The following KAT2A variants were observed in gnomAD, a reference collection of about 807,000 sequenced individuals.
KAT2A encodes the protein lysine acetyltransferase 2A, also known as histone acetyltransferase KAT2A.
KAT2A carries 42 observed loss-of-function variants against 95.2 expected under a neutral mutation model. The ratio of observed to expected loss-of-function variants is 0.44; its 90% CI spans 0.34 to 0.57. The LOEUF (loss-of-function observed/expected upper bound fraction) is 0.57. KAT2A is among the 20% of genes least tolerant of loss of function. The pLI is 0.01. For synonymous variants in KAT2A, 449 were observed against 448.2 expected (o/e 1.00, Z -0.02); for missense variants, 784 against 1,126.3 (o/e 0.70, Z 4.35).
rs1555666173 is a variant in KAT2A, at chr17:42,117,338, A to G, written c.1637+50T>C. Reference sequence around the variant, plus strand: ...TTGAGGAGTGAAGAGGCCGAGGAGGAAGGGAACTGGGTGTGCTGCCCTGGG... The same window carrying G: ...TTGAGGAGTGAAGAGGCCGAGGAGGGAGGGAACTGGGTGTGCTGCCCTGGG... On this transcript the variant is annotated intron_variant, in intron 10 of 17. Transcript: ENST00000225916. This position sits in a 1 kb window ranked among gnomAD's most constrained non-coding sequence, Gnocchi z 8.9. The G allele has an allele frequency of 6.3e-7, 1 of 1,592,940 alleles. No homozygotes were observed. Among genetic ancestry groups the G allele is most frequent in the Admixed American group, 1.7e-5 (1 of 59,852 alleles).
At chr17:42,120,505 G>A (rs2054320874) in intron 2 of KAT2A, 135 bp from the exon 3 acceptor site, 33 of 1,228,198 alleles carry the variant, frequency 2.7e-5, no homozygotes, top group South Asian at 9.4e-5. Context: ...TGACTGCTCC[G>A]ATATCAACCG....
In KAT2A at chr17:42,121,323, G is replaced by C; in HGVS notation, c.-19C>G. The stretch of plus-strand genomic sequence containing the variant: ...CCGCCATGGCCTCCCCCGCAGCGGA[G>C]AGCGGCGCCGCGCTCCCAGCCCTAG... On this transcript the variant is annotated 5_prime_UTR_variant, in exon 1 of 18. Transcript: ENST00000225916. The C allele has an allele frequency of 7.3e-7, 1 of 1,365,322 alleles. No individual in the cohort carries two copies. Among genetic ancestry groups the C allele is most frequent in the Non-Finnish European group, 9.4e-7 (1 of 1,066,718 alleles). The allele number at this position is 1,365,322 out of a possible 1,614,324, so 84.6% of individuals were successfully genotyped here. A position where few individuals can be genotyped will look rare whatever the true frequency, so the allele number is the denominator to read the frequency against.
chr17:42,117,693 G>T lies in KAT2A; in HGVS notation c.1413C>A (p.Ala471=). 1 of 1,611,274 alleles carries T rather than the reference G, an allele frequency of 6.2e-7. No homozygotes were observed. Among genetic ancestry groups the T allele is most frequent in the Non-Finnish European group, 8.5e-7 (1 of 1,178,332 alleles). The change falls in exon 9 of 18, where the codon GCC becomes GCA. Residue 471 remains alanine (A), a synonymous_variant. Transcript: ENST00000225916. This position sits in a 1 kb window ranked among gnomAD's most constrained non-coding sequence, Gnocchi z 8.9. ...EVMLTITDPA[A]MLGPETSLLS... ...GGCTGCCCACCTCAGGCCCCAGCAT[G>T]GCAGCAGGGTCAGTGATGGTCAGCA...
chr17:42,120,869 G>T, intron 1 of KAT2A, 40 bp from the exon 2 acceptor site: 1 of 1,584,430 alleles, frequency 6.3e-7, no homozygotes, highest in Non-Finnish European at 8.6e-7. Flanking sequence ...ATACCTCTGG[G>T]GCAAGAGCCG....
In KAT2A at chr17:42,120,138, G is replaced by C. The variant is rs782251302; in HGVS notation, c.610-19C>G. ...GCAGTAGCTAGAGAGAAGAGGAAGGGGGCATAGAGGGGAGGGGGGCAGAGC... is the reference window on the plus strand; with the variant it reads ...GCAGTAGCTAGAGAGAAGAGGAAGGCGGCATAGAGGGGAGGGGGGCAGAGC... On this transcript the variant is annotated intron_variant, in intron 3 of 17. Coordinates refer to ENST00000225916, the MANE Select transcript of KAT2A (RefSeq NM_021078.3). 6.2e-7 allele frequency: 1 copy of C among 1,613,866 alleles called. No individual in the cohort carries two copies. Among genetic ancestry groups the C allele is most frequent in the South Asian group, 1.1e-5 (1 of 91,084 alleles).
Position 42,119,212 on chromosome 17 carries a change from G to A in KAT2A, c.1073+33C>T. ...GACAACAGGGAGGATGTGAACTTGG[G>A]GCCAAATCCTGGTAGGCCAGAAGGA... On this transcript the variant is annotated intron_variant, in intron 6 of 17. Coordinates refer to ENST00000225916, the MANE Select transcript of KAT2A (RefSeq NM_021078.3). This position sits in a 1 kb window ranked among gnomAD's most constrained non-coding sequence, Gnocchi z 5.3. The A allele has an allele frequency of 6.4e-7, 1 of 1,571,180 alleles. No individual in the cohort carries two copies. Among genetic ancestry groups the A allele is most frequent in the Non-Finnish European group, 8.7e-7 (1 of 1,154,612 alleles).
rs1555666848 is a variant in KAT2A at position 42,119,526 on chromosome 17, G to C, written c.881+11C>G. 4.4e-6 allele frequency: 7 copies of C among 1,584,576 alleles called. No homozygotes were observed. Among genetic ancestry groups the C allele is most frequent in the Non-Finnish European group, 6.0e-6 (7 of 1,162,202 alleles). On this transcript the variant is annotated intron_variant, in intron 5 of 17. Coordinates refer to ENST00000225916, the MANE Select transcript of KAT2A (RefSeq NM_021078.3). This position sits in a 1 kb window ranked among gnomAD's most constrained non-coding sequence, Gnocchi z 5.3. ...CAAGCCTCCCCCGAAGCTGCCCCTG[G>C]CTGGGCCTACCTGGTGTAATTGACC... is the stretch of plus-strand genomic sequence containing the variant.
rs2054335260 is a variant in KAT2A at position 42,121,249 on chromosome 17, AGGGGCCGGGGCTGCGCAGCC to A, written c.36_55del (p.Ala13SerfsTer85). 1 of 1,325,430 alleles carries A rather than the reference AGGGGCCGGGGCTGCGCAGCC, an allele frequency of 7.5e-7. No homozygotes were observed. The highest frequency in any genetic ancestry group is 9.8e-7 in the Non-Finnish European group (1 of 1,016,992). The allele number at this position is 1,325,430 out of a possible 1,614,324, so 82.1% of individuals were successfully genotyped here. ...AGTTGGGGCAGGGGCTGGGGACTGA[AGGGGCCGGGGCTGCGCAGCC>A]GGGGCCGGGGTCGGGGCCTGGGAAG... On this transcript the variant is annotated frameshift_variant, in exon 1 of 18. Coordinates refer to ENST00000225916, the MANE Select transcript of KAT2A (RefSeq NM_021078.3). LOFTEE classifies it high-confidence loss of function.
chr17:42,116,034 C>T (rs562710216), intron 11 of KAT2A, among the ~76,000 whole-genome samples: 1 of 152,340 alleles, frequency 6.6e-6, no homozygotes, highest in South Asian at 2.1e-4. Context: ...TCTAAGCTCA[C>T]TCTGGGCTAG....
Position 42,115,792 on chromosome 17 carries a change from G to A in KAT2A, c.1806C>T (p.His602=), listed in dbSNP as rs782774578. Residue 602 remains histidine, a synonymous_variant, in exon 12 of 18, where the codon CAC becomes CAT. Coordinates refer to ENST00000225916, the MANE Select transcript of KAT2A (RefSeq NM_021078.3). The part of the protein sequence containing the change: ...THLMNHLKEY[H]IKHNILYFLT... ...GGAAGTAGAGAATGTTGTGCTTGATGTGATACTCCTTCAGGTGGTTCATCA... is the reference window on the plus strand; with the variant it reads ...GGAAGTAGAGAATGTTGTGCTTGATATGATACTCCTTCAGGTGGTTCATCA... 1.2e-6 allele frequency: 2 copies of A among 1,613,832 alleles called. No homozygotes were observed. Among genetic ancestry groups the A allele is most frequent in the Non-Finnish European group, 1.7e-6 (2 of 1,179,710 alleles).
In KAT2A at chr17:42,114,142, A is replaced by G. The variant is rs1434989672; in HGVS notation, c.2236-58T>C. 4 of 1,575,456 alleles carry G rather than the reference A, an allele frequency of 2.5e-6. No individual in the cohort carries two copies. In the East Asian group the frequency reaches 6.7e-5, roughly 27 times the overall value. On this transcript the variant is annotated intron_variant, in intron 16 of 17. Transcript: ENST00000225916. This position sits in a 1 kb window ranked among gnomAD's most constrained non-coding sequence, Gnocchi z 6.0. ...GCTGCGCCCACGCCAGCCCGAGACCACTACCCACCCCACACTGCATCAAGA... is the reference window on the plus strand; with the variant it reads ...GCTGCGCCCACGCCAGCCCGAGACCGCTACCCACCCCACACTGCATCAAGA...
rs1167261668 is a variant in KAT2A, at chr17:42,114,785, TCA to T, written c.2019+105_2019+106del. 7.7e-7 allele frequency: 1 copy of T among 1,306,956 alleles called. No homozygotes were observed. Among genetic ancestry groups the T allele is most frequent in the Non-Finnish European group, 1.1e-6 (1 of 918,048 alleles). The allele number at this position is 1,306,956 out of a possible 1,614,324, so 81.0% of individuals were successfully genotyped here. On this transcript the variant is annotated intron_variant, in intron 13 of 17. Coordinates refer to ENST00000225916, the MANE Select transcript of KAT2A (RefSeq NM_021078.3). The surrounding 1 kb of genome is among the most constrained non-coding windows in gnomAD (Gnocchi z 6.0). ...AAGATCCTGGCCTGCCCCTCCTCAC[TCA>T]CACACATATATGCATGTAGACGTAG... is the stretch of plus-strand genomic sequence containing the variant.
intron 11 of KAT2A, among the ~76,000 whole-genome samples, chr17:42,116,170 T>C (rs1325062351): frequency 6.6e-6 from 1 of 152,220 alleles, no homozygotes; most frequent in Non-Finnish European, 1.5e-5. Flanking sequence ...AAGGTCAGGC[T>C]GCCAGCCGTG....
chr17:42,114,398 CA>C lies in KAT2A; in HGVS notation c.2135-5del, dbSNP rs782674637. The C allele has an allele frequency of 2.5e-6, 4 of 1,614,044 alleles. No individual in the cohort carries two copies. Among genetic ancestry groups the C allele is most frequent in the South Asian group, 1.1e-5 (1 of 91,088 alleles). ...AATGGCTTCCAGCCTGTCTCTCCTG[CA>C]AAGTGGGAAGTGGGAGAATGTCTCT... On this transcript the variant is annotated splice_region_variant and splice_polypyrimidine_tract_variant and intron_variant, in intron 14 of 17. Transcript: ENST00000225916. The surrounding 1 kb of genome is among the most constrained non-coding windows in gnomAD (Gnocchi z 6.0).
At chr17:42,115,438 T>C (rs2144031782) in intron 12 of KAT2A, among the ~76,000 whole-genome samples, 1 of 95,174 alleles carries the variant, frequency 1.1e-5, no homozygotes, top group African/African-American at 4.3e-5. Context: ...CAGCCTGCTC[T>C]AGTGCCCCCC....
Position 42,119,011 on chromosome 17 carries a change from G to A in KAT2A, c.1073+234C>T, listed in dbSNP as rs1384559883. ...GGAAACAATTAGTAACATCTACTGG[G>A]GCGTAGGGTCGGGTGGGGGCAGCGT... On this transcript the variant is annotated intron_variant, in intron 6 of 17. Transcript: ENST00000225916. This position sits in a 1 kb window ranked among gnomAD's most constrained non-coding sequence, Gnocchi z 5.3. 2 of 1,355,164 alleles carry A rather than the reference G, an allele frequency of 1.5e-6. No homozygotes were observed. The highest frequency in any genetic ancestry group is 1.9e-6 in the Non-Finnish European group (2 of 1,055,788). The allele number at this position is 1,355,164 out of a possible 1,614,324, so 83.9% of individuals were successfully genotyped here.
Position 42,120,121 on chromosome 17 carries a change from TAGAG to T in KAT2A, c.610-6_610-3del, listed in dbSNP as rs782552826. On this transcript the variant is annotated splice_region_variant and splice_polypyrimidine_tract_variant and intron_variant, in intron 3 of 17. Transcript: ENST00000225916. Reference sequence around the variant, plus strand: ...CTGCAGGATGCATTTCCGCAGTAGCTAGAGAGAAGAGGAAGGGGGCATAGAGGGG... The same window carrying T: ...CTGCAGGATGCATTTCCGCAGTAGCTAGAAGAGGAAGGGGGCATAGAGGGG... 1 of 1,614,026 alleles carries T rather than the reference TAGAG, an allele frequency of 6.2e-7. No individual in the cohort carries two copies. Among genetic ancestry groups the T allele is most frequent in the Non-Finnish European group, 8.5e-7 (1 of 1,179,976 alleles).
Position 42,115,704 on chromosome 17 carries a change from G to A in KAT2A, c.1875+19C>T. The A allele has an allele frequency of 6.7e-7, 1 of 1,499,220 alleles. No individual in the cohort carries two copies. The highest frequency in any genetic ancestry group is 9.3e-7 in the Non-Finnish European group (1 of 1,075,242). 92.9% of individuals were successfully genotyped at this position (1,499,220 alleles called of 1,614,324 possible). On this transcript the variant is annotated intron_variant, in intron 12 of 17. Transcript: ENST00000225916. ...AGCCTCCAGGCAAAGGACCGGTGTG[G>A]GACGAGGCTACGGGTCACCTGCTTT...
intron 11 of KAT2A, among the ~76,000 whole-genome samples, chr17:42,116,472 C>T (rs1283153862): frequency 6.6e-6 from 1 of 152,226 alleles, no homozygotes; most frequent in Non-Finnish European, 1.5e-5. Context: ...AATCCCAGCA[C>T]TTTGGGAGGC....
Sources: allele counts gnomAD v4.1 joint callset (sites outside exome capture counted in the v4.1 genomes callset), GRCh38; gene constraint gnomAD v4.1.1; non-coding constraint Gnocchi (gnomAD v3.1); transcripts MANE v1.5; gene names NCBI Gene and HGNC (gene_info 2026-07-23, HGNC 2026-07-21).